SUCLG2: variants seen among roughly 807,000 people sequenced by gnomAD.
The protein encoded by SUCLG2 is succinate--CoA ligase [GDP-forming] subunit beta, mitochondrial.
Under a neutral mutation model 47.9 loss-of-function variants are expected in SUCLG2, and 42 were observed. The ratio of observed to expected loss-of-function variants is 0.88; its 90% confidence interval spans 0.69 to 1.14. The LOEUF (loss-of-function observed/expected upper bound fraction) is 1.14, where lower values mean the gene tolerates loss of function less well. Among genes scored for constraint, SUCLG2 ranks in the 50% most tolerant of loss-of-function variants. The pLI is 0.00. For missense variants in SUCLG2, 571 were observed against 525.9 expected, an observed-to-expected ratio of 1.09 and a Z score of -0.84; for synonymous variants, 195 against 197.3, an observed-to-expected ratio of 0.99 and a Z score of 0.10.
intron 1 of SUCLG2, among the ~76,000 whole-genome samples, chr3:67,652,783 T>A (rs1327268486): frequency 6.6e-6 from 1 of 152,208 alleles, no homozygotes; most frequent in Admixed American, 6.5e-5. Context: ...TATCGTTGAA[T>A]ATGTCATTGA....
intron 4 of SUCLG2, among the ~76,000 whole-genome samples, chr3:67,521,656 G>A (rs1010399318): frequency 1.3e-5 from 2 of 151,052 alleles, no homozygotes; most frequent in Non-Finnish European, 2.9e-5. Context: ...AGGCTGTAGT[G>A]CAGTGGCACG....
chr3:67,492,726 T>G (rs945571021), intron 9 of SUCLG2, among the ~76,000 whole-genome samples: 14 of 152,328 alleles, frequency 9.2e-5, no homozygotes, highest in African/African-American at 3.4e-4. Context: ...GACTCTTGTT[T>G]TATTCAGCTT....
At chr3:67,551,537 GCACAGCACATCCCTCCCC>G (rs1707014511) in intron 2 of SUCLG2, among the ~76,000 whole-genome samples, 1 of 152,138 alleles carries the variant, frequency 6.6e-6, no homozygotes, top group Non-Finnish European at 1.5e-5. Context: ...GCTTATATCA[GCACAGCACATCCCTCCCC>G]CAACATCGAT....
chr3:67,648,179 C>T (rs929925507), intron 1 of SUCLG2, among the ~76,000 whole-genome samples: 1 of 152,156 alleles, frequency 6.6e-6, no homozygotes. Context: ...CAATAATTTG[C>T]TCCAGGTTGC....
chr3:67,498,818 G>A (rs370820110), intron 7 of SUCLG2, among the ~76,000 whole-genome samples: 1 of 152,156 alleles, frequency 6.6e-6, no homozygotes, highest in Middle Eastern at 3.4e-3. Context: ...AGAATCGCTC[G>A]ATTTTTATTT....
chr3:67,445,772 TA>T (rs1164667016), intron 9 of SUCLG2, among the ~76,000 whole-genome samples: 8 of 55,012 alleles, frequency 1.5e-4, no homozygotes, highest in Admixed American at 2.2e-4. Context: ...AAATTTCATT[TA>T]AAAAAAAAAA....
chr3:67,590,488 C>G (rs553948571), intron 2 of SUCLG2, among the ~76,000 whole-genome samples: 70 of 152,236 alleles, frequency 4.6e-4, no homozygotes, highest in African/African-American at 1.6e-3. Flanking sequence ...GCCCTCCTTG[C>G]AGACGTGAGT....
At chr3:67,553,269 A>G (rs1243135038) in intron 2 of SUCLG2, among the ~76,000 whole-genome samples, 1 of 152,222 alleles carries the variant, frequency 6.6e-6, no homozygotes. Context: ...CAGATCTTCC[A>G]TCATGGCCAC....
intron 10 of SUCLG2, among the ~76,000 whole-genome samples, chr3:67,376,874 C>T (rs556514049): frequency 1.3e-4 from 20 of 152,282 alleles, no homozygotes; most frequent in African/African-American, 4.3e-4. Flanking sequence ...AAAGTCCTCT[C>T]TGGAAGGTGA....
At chr3:67,370,232 C>G (rs930069604), downstream of SUCLG2, among the ~76,000 whole-genome samples, 20 of 151,956 alleles carry the variant, frequency 1.3e-4, no homozygotes, top group Admixed American at 9.2e-4. Flanking sequence ...AGGAAGCAAT[C>G]TTGGAAGAAA....
intron 1 of SUCLG2, among the ~76,000 whole-genome samples, chr3:67,646,248 G>C (rs1701189695): frequency 6.6e-6 from 1 of 152,140 alleles, no homozygotes; most frequent in African/African-American, 2.4e-5. Flanking sequence ...CCCGACTTCA[G>C]CCACAGACAA....
chr3:67,382,680 C>T (rs4426696), intron 10 of SUCLG2, among the ~76,000 whole-genome samples: 5 of 152,298 alleles, frequency 3.3e-5, no homozygotes, highest in East Asian at 1.9e-4. Context: ...ATAACTTTTT[C>T]GTGGAACATA....
intron 9 of SUCLG2, among the ~76,000 whole-genome samples, chr3:67,488,331 T>A (rs1020643670): frequency 6.6e-6 from 1 of 152,104 alleles, no homozygotes; most frequent in Non-Finnish European, 1.5e-5. Context: ...AATGAGACCA[T>A]CTTTCCTAAT....
chr3:67,566,458 T>C (rs1575783181), intron 2 of SUCLG2, among the ~76,000 whole-genome samples: 1 of 152,224 alleles, frequency 6.6e-6, no homozygotes, highest in Admixed American at 6.5e-5. Flanking sequence ...AATAAATCTA[T>C]ATGAAAATAG....
intron 9 of SUCLG2, among the ~76,000 whole-genome samples, chr3:67,433,429 C>T (rs1257791414): frequency 2.6e-5 from 4 of 152,078 alleles, no homozygotes; most frequent in East Asian, 1.9e-4. Flanking sequence ...GGATGTGAGC[C>T]GTGATGCCCA....
chr3:67,570,859 T>C (rs1025539867), intron 2 of SUCLG2, among the ~76,000 whole-genome samples: 8 of 152,164 alleles, frequency 5.3e-5, no homozygotes, highest in Non-Finnish European at 1.2e-4. Flanking sequence ...TGTAATGTAA[T>C]AGTAATCATG....
At chr3:67,397,376 A>G (rs536563502) in intron 10 of SUCLG2, among the ~76,000 whole-genome samples, 1 of 151,718 alleles carries the variant, frequency 6.6e-6, no homozygotes, top group South Asian at 2.1e-4. Context: ...TTATACACCA[A>G]TAACAGACAG....
rs749647393 is a variant in SUCLG2, at chr3:67,495,842, C to A, written c.1018G>T (p.Ala340Ser). Reference sequence around the variant, plus strand: ...AATTTGAATGCTTGATATACTTGAGCTTCCTTTACACCACCTCCAAGATCC... The same window carrying A: ...AATTTGAATGCTTGATATACTTGAGATTCCTTTACACCACCTCCAAGATCC... ...FLDLGGGVKE[A>S]QVYQAFKLLT... The change falls in exon 9 of 11, where the codon GCT (alanine) becomes TCT (serine). Residue 340 changes from alanine to serine, a missense_variant. Physicochemically the swap from Ala to Ser is moderately conservative, Grantham distance 99. Transcript: ENST00000307227. 28 of 1,613,906 alleles carry A rather than the reference C, an allele frequency of 1.7e-5. No individual in the cohort carries two copies. The highest frequency in any genetic ancestry group is 1.2e-4 in the Admixed American group (7 of 59,986).
chr3:67,471,017 G>T (rs1396336718), intron 9 of SUCLG2, among the ~76,000 whole-genome samples: 1 of 152,154 alleles, frequency 6.6e-6, no homozygotes, highest in Non-Finnish European at 1.5e-5. Flanking sequence ...GGACACTAGA[G>T]CAAGAACCCA....
Sources: allele counts gnomAD v4.1 joint callset (sites outside exome capture counted in the v4.1 genomes callset), GRCh38; gene constraint gnomAD v4.1.1; transcripts MANE v1.5; gene names NCBI Gene and HGNC (gene_info 2026-07-23, HGNC 2026-07-21).